The following PIAS1 variants were observed in gnomAD, a reference collection of about 807,000 sequenced individuals.
PIAS1 encodes protein inhibitor of activated STAT 1.
A neutral mutation model predicts 71.3 loss-of-function variants in PIAS1; 6 were observed. That is an observed-to-expected ratio of 0.08 (90% CI 0.05 to 0.17). The LOEUF is 0.17. Ranked by LOEUF, PIAS1 falls within the 10% of genes least tolerant of loss-of-function variation. The probability of loss-of-function intolerance (pLI) is 1.00; values close to 1 mark genes in which losing one functional copy is unlikely to be tolerated. For synonymous variants in PIAS1, 303 were observed against 292.9 expected, an observed-to-expected ratio of 1.03 and a Z score of -0.35; for missense variants, 555 against 793.6, an observed-to-expected ratio of 0.70 and a Z score of 3.61.
chr15:68,060,971 C>T (rs1445154474), intron 1 of PIAS1, among the ~76,000 whole-genome samples: 4 of 152,208 alleles, frequency 2.6e-5, no homozygotes, highest in African/African-American at 9.6e-5. Context: ...CGTGAGCCAC[C>T]GTGCCTGGCC....
chr15:68,131,367 CA>C (rs1231747526), intron 2 of PIAS1, among the ~76,000 whole-genome samples: 2 of 152,030 alleles, frequency 1.3e-5, no homozygotes, highest in African/African-American at 4.8e-5. Flanking sequence ...ATATGTTAAT[CA>C]ATTTCCACAA....
intron 2 of PIAS1, among the ~76,000 whole-genome samples, chr15:68,116,206 C>T (rs2092563904): frequency 6.6e-6 from 1 of 151,310 alleles, no homozygotes; most frequent in Non-Finnish European, 1.5e-5. Flanking sequence ...TGGTAGAAGT[C>T]CCCCGAGAAT....
chr15:68,150,009 T>A (rs1017916540), intron 6 of PIAS1, among the ~76,000 whole-genome samples: 4 of 152,186 alleles, frequency 2.6e-5, no homozygotes, highest in Non-Finnish European at 4.4e-5. Context: ...TTTCTCTTAC[T>A]GGATTTTTTT....
rs138624274 is a variant in PIAS1 at position 68,136,913 on chromosome 15, G to A, written c.470-5033G>A. Among the ~76,000 whole-genome samples, 985 of 152,232 alleles carry A rather than the reference G, an allele frequency of 6.5e-3. 7 individuals carry two copies. The highest frequency in any genetic ancestry group is 0.036 in the East Asian group (185 of 5,192). Reference sequence around the variant, plus strand: ...AATACATAAATAGGCATAGGACAAGGCTGGACAATTAGTTAAATAGGAAAT... The same window carrying A: ...AATACATAAATAGGCATAGGACAAGACTGGACAATTAGTTAAATAGGAAAT... On this transcript the variant is annotated intron_variant, in intron 2 of 13. Coordinates refer to ENST00000249636, the MANE Select transcript of PIAS1 (RefSeq NM_016166.3).
chr15:68,146,440 C>T (rs1405727335), intron 5 of PIAS1, 126 bp from the exon 6 acceptor site: 1 of 672,324 alleles, frequency 1.5e-6, no homozygotes, highest in Admixed American at 2.9e-5. Flanking sequence ...ATGTTTGCTT[C>T]TCTACTTTTT....
In PIAS1 at chr15:68,191,750, G is replaced by A. The variant is rs1210084238; in HGVS notation, c.*3915G>A. 6.6e-6 allele frequency: 1 copy of A among 152,234 alleles called. No individual in the cohort carries two copies. Among genetic ancestry groups the A allele is most frequent in the African/African-American group, 2.4e-5 (1 of 41,444 alleles). 9.4% of individuals were successfully genotyped at this position (152,234 alleles called of 1,614,324 possible). A position where few individuals can be genotyped will look rare whatever the true frequency, so the allele number is the denominator to read the frequency against. On this transcript the variant is annotated 3_prime_UTR_variant, in exon 14 of 14. Transcript: ENST00000249636. ...GGCCTTCTTGTAAACAACACTAGGT[G>A]CTAGAGAAACCAGCTGGAATTTCAG... is the stretch of plus-strand genomic sequence containing the variant.
intron 1 of PIAS1, among the ~76,000 whole-genome samples, chr15:68,069,648 A>G (rs1449721484): frequency 1.3e-5 from 2 of 152,026 alleles, no homozygotes; most frequent in African/African-American, 4.8e-5. Context: ...TAAAAATACA[A>G]AAAATTAGCC....
intron 1 of PIAS1, among the ~76,000 whole-genome samples, chr15:68,075,115 C>A (rs1249419080): frequency 1.1e-5 from 1 of 90,718 alleles, no homozygotes; most frequent in African/African-American, 4.4e-5. Flanking sequence ...GAGGCGGAGT[C>A]TCTCTTTTGC....
chr15:68,084,120 C>A (rs545046086), intron 1 of PIAS1, among the ~76,000 whole-genome samples: 1 of 152,138 alleles, frequency 6.6e-6, no homozygotes, highest in South Asian at 2.1e-4. Context: ...GCATCTGAAT[C>A]TTTGTACCTA....
At chr15:68,059,817 A>G (rs893347553) in intron 1 of PIAS1, among the ~76,000 whole-genome samples, 1 of 152,110 alleles carries the variant, frequency 6.6e-6, no homozygotes, top group Non-Finnish European at 1.5e-5. Flanking sequence ...CTGGCCTCAA[A>G]CAGTGCTGCC....
In PIAS1 at chr15:68,086,254, G is replaced by A. The variant is rs1466754335; in HGVS notation, c.25-52G>A. 2.4e-6 allele frequency: 3 copies of A among 1,265,218 alleles called. No homozygotes were observed. Among genetic ancestry groups the A allele is most frequent in the Non-Finnish European group, 3.3e-6 (3 of 917,150 alleles). The allele number at this position is 1,265,218 out of a possible 1,614,324, so 78.4% of individuals were successfully genotyped here. A position where few individuals can be genotyped will look rare whatever the true frequency, so the allele number is the denominator to read the frequency against. On this transcript the variant is annotated intron_variant, in intron 1 of 13. Coordinates refer to ENST00000249636, the MANE Select transcript of PIAS1 (RefSeq NM_016166.3). The surrounding 1 kb of genome is among the most constrained non-coding windows in gnomAD (Gnocchi z 7.2). The stretch of plus-strand genomic sequence containing the variant: ...TTATAATAAAGTGTCATTTAATAGT[G>A]TAAATTATATTATTGGAATACTAAT...
At chr15:68,106,174 T>C (rs546190632) in intron 2 of PIAS1, among the ~76,000 whole-genome samples, 1 of 151,804 alleles carries the variant, frequency 6.6e-6, no homozygotes, top group Admixed American at 6.6e-5. Context: ...CACACATGAA[T>C]ATGTGTGTGT....
intron 2 of PIAS1, among the ~76,000 whole-genome samples, chr15:68,116,680 T>G (rs1390023409): frequency 6.6e-6 from 1 of 152,134 alleles, no homozygotes; most frequent in Non-Finnish European, 1.5e-5. Context: ...AACCATTGAT[T>G]TAAGACCTTT....
At chr15:68,071,903 ATGCTAC>A (rs1344836531) in intron 1 of PIAS1, among the ~76,000 whole-genome samples, 1 of 152,030 alleles carries the variant, frequency 6.6e-6, no homozygotes, top group African/African-American at 2.4e-5. Flanking sequence ...AGCCATGATC[ATGCTAC>A]TGCATTCCAA....
At chr15:68,155,071 A>G (rs1011850366) in intron 7 of PIAS1, among the ~76,000 whole-genome samples, 1 of 152,220 alleles carries the variant, frequency 6.6e-6, no homozygotes, top group Admixed American at 6.5e-5. Flanking sequence ...ATTTTATTTA[A>G]TAGTAACAGC....
At chr15:68,094,310 T>C (rs1325278088) in intron 2 of PIAS1, among the ~76,000 whole-genome samples, 1 of 151,854 alleles carries the variant, frequency 6.6e-6, no homozygotes, top group Non-Finnish European at 1.5e-5. Context: ...GAATATTTCT[T>C]TGGAGATATT....
At chr15:68,169,593 T>C (rs7167353) in intron 8 of PIAS1, among the ~76,000 whole-genome samples, 132,302 of 152,138 alleles carry the variant, frequency 0.87, 60,577 homozygotes, top group East Asian at 1. Flanking sequence ...GAATTGCTTG[T>C]GAGACTGTTT....
chr15:68,102,577 A>G (rs551848459), intron 2 of PIAS1, among the ~76,000 whole-genome samples: 2 of 152,354 alleles, frequency 1.3e-5, no homozygotes, highest in East Asian at 3.9e-4. Context: ...GTATATGAAC[A>G]TGGTATGTTG....
intron 2 of PIAS1, among the ~76,000 whole-genome samples, chr15:68,134,429 T>G (rs2141035717): frequency 2.0e-5 from 1 of 50,930 alleles, no homozygotes; most frequent in East Asian, 5.9e-4. Context: ...CACCACCCAG[T>G]AGGAGCGGCT....
Sources: gnomAD v4.1 joint callset for allele counts (sites outside exome capture counted in the v4.1 genomes callset) on GRCh38, gnomAD v4.1.1 for gene constraint, Gnocchi (gnomAD v3.1) non-coding constraint, MANE v1.5 for transcripts, NCBI Gene and HGNC (gene_info 2026-07-23, HGNC 2026-07-21) for gene names.